Variants in PRTG observed in about 807,000 individuals in gnomAD.
The protein encoded by PRTG is protogenin.
PRTG carries 67 observed loss-of-function variants against 122.5 expected under a neutral mutation model. The ratio of observed to expected loss-of-function variants is 0.55; its 90% CI spans 0.45 to 0.67. PRTG has a LOEUF of 0.67. Ranked by LOEUF, PRTG falls within the 30% of genes least tolerant of loss-of-function variation. The pLI is 0.00. For synonymous variants in PRTG, 554 were observed against 501.1 expected (o/e 1.11, Z -1.41); for missense variants, 1,435 against 1,415.4 (o/e 1.01, Z -0.22).
chr15:55,613,676 A>G lies in PRTG; in HGVS notation c.*6336T>C, dbSNP rs760537162. 4.6e-5 allele frequency: 7 copies of G among 151,688 alleles called. No individual in the cohort carries two copies. The highest frequency in any genetic ancestry group is 1.0e-4 in the Non-Finnish European group (7 of 67,890). The allele number at this position is 151,688 out of a possible 1,614,324, so 9.4% of individuals were successfully genotyped here. On this transcript the variant is annotated 3_prime_UTR_variant, in exon 20 of 20. Transcript: ENST00000389286. ...TCTGTAGAAAGGTTGTTCTGACACAACCTGGCTTTTGTGGATACAAGGAAA... is the reference window on the plus strand; with the variant it reads ...TCTGTAGAAAGGTTGTTCTGACACAGCCTGGCTTTTGTGGATACAAGGAAA...
At chr15:55,643,164 T>G (rs934227733) in intron 11 of PRTG, among the ~76,000 whole-genome samples, 1 of 152,160 alleles carries the variant, frequency 6.6e-6, no homozygotes, top group African/African-American at 2.4e-5. Context: ...TTTTAGAAAC[T>G]GATATTTTCT....
intron 2 of PRTG, among the ~76,000 whole-genome samples, chr15:55,704,084 GA>G (rs34977906): frequency 7.2e-5 from 11 of 151,898 alleles, no homozygotes; most frequent in African/African-American, 1.7e-4. Context: ...ATTCAAGGGG[GA>G]AAAAAAAGTG....
At chr15:55,651,829 T>C (rs771075159) in intron 11 of PRTG, among the ~76,000 whole-genome samples, 25 of 151,966 alleles carry the variant, frequency 1.6e-4, no homozygotes, top group Non-Finnish European at 3.1e-4. Context: ...ATGAGAAAAC[T>C]TTTCCCCCAA....
chr15:55,699,605 C>A (rs1207303181), intron 2 of PRTG, among the ~76,000 whole-genome samples: 13 of 152,148 alleles, frequency 8.5e-5, no homozygotes, highest in Non-Finnish European at 1.6e-4. Flanking sequence ...CATTTCAGTT[C>A]TAGCACATAA....
intron 11 of PRTG, among the ~76,000 whole-genome samples, chr15:55,669,418 ACT>A (rs949836348): frequency 6.6e-6 from 1 of 152,110 alleles, no homozygotes; most frequent in Non-Finnish European, 1.5e-5. Context: ...CAGACACATC[ACT>A]CTCTGTTAAA....
chr15:55,703,615 G>C (rs1359282664), intron 2 of PRTG, among the ~76,000 whole-genome samples: 1 of 152,154 alleles, frequency 6.6e-6, no homozygotes, highest in Non-Finnish European at 1.5e-5. Context: ...GAAAAGTCCA[G>C]GGAAGTAAGT....
chr15:55,738,071 A>ATATATATATATATATATATATAT (rs1555438618), intron 2 of PRTG: 1 of 105,430 alleles, frequency 9.5e-6, no homozygotes, highest in Non-Finnish European at 2.1e-5. Flanking sequence ...TCTTCCTGTA[A>ATATATATATATATATATATATAT]ATATATATAT....
At chr15:55,738,690 A>G (rs1022900133) in intron 2 of PRTG, 6 of 419,260 alleles carry the variant, frequency 1.4e-5, no homozygotes, top group African/African-American at 1.2e-4. Flanking sequence ...TCCATGAAAA[A>G]AATAATTATT....
chr15:55,739,435 T>C (rs2031541955), intron 2 of PRTG, among the ~76,000 whole-genome samples: 1 of 152,262 alleles, frequency 6.6e-6, no homozygotes, highest in South Asian at 2.1e-4. Flanking sequence ...ATCTACCTAT[T>C]GCTCAACTTG....
intron 2 of PRTG, among the ~76,000 whole-genome samples, chr15:55,711,656 A>C (rs1354465799): frequency 6.6e-6 from 1 of 152,168 alleles, no homozygotes; most frequent in East Asian, 1.9e-4. Flanking sequence ...TATGTGACTG[A>C]GATCATCCAG....
At position 55,647,832 on chromosome 15, in the gene PRTG, C is replaced by T. The variant is rs748838823; in HGVS notation, c.2042-6624G>A. Among the ~76,000 whole-genome samples the T allele has an allele frequency of 5.5e-4, 83 of 152,286 alleles. 1 individual carries two copies. Among genetic ancestry groups the T allele is most frequent in the Middle Eastern group, 3.4e-3 (1 of 294 alleles). ...AGAATATCCGCAAATTAGCAATTGG[C>T]AAATACTGAAGCTCAGTTTAACCAC... is the stretch of plus-strand genomic sequence containing the variant. On this transcript the variant is annotated intron_variant, in intron 11 of 19. Coordinates refer to ENST00000389286, the MANE Select transcript of PRTG (RefSeq NM_173814.6).
intron 11 of PRTG, among the ~76,000 whole-genome samples, chr15:55,667,115 T>A: frequency 6.6e-6 from 1 of 151,700 alleles, no homozygotes; most frequent in East Asian, 1.9e-4. Flanking sequence ...TTTTTCCAAA[T>A]GTAAAGAGGA....
In PRTG at chr15:55,612,697, AATATATATATATATATATATATAT is replaced by A. The variant is rs59773365; in HGVS notation, c.*7291_*7314del. The A allele has an allele frequency of 0.022, 2,616 of 120,752 alleles. 145 individuals are homozygous for A. Among genetic ancestry groups the A allele is most frequent in the African/African-American group, 0.087 (1,869 of 21,412 alleles). 7.5% of individuals were successfully genotyped at this position (120,752 alleles called of 1,614,324 possible). On this transcript the variant is annotated 3_prime_UTR_variant, in exon 20 of 20. Coordinates refer to ENST00000389286, the MANE Select transcript of PRTG (RefSeq NM_173814.6). ...TTCTCTCTTTAACTCTTTAAAAGCC[AATATATATATATATATATATATAT>A]ATATATATATATATATATATATATA...
intron 2 of PRTG, among the ~76,000 whole-genome samples, chr15:55,713,859 T>C (rs980979386): frequency 6.6e-6 from 1 of 152,190 alleles, no homozygotes; most frequent in Non-Finnish European, 1.5e-5. Context: ...TGTTGCTACA[T>C]TACTGGTTTA....
At chr15:55,737,892 T>A (rs1472443644) in intron 2 of PRTG, among the ~76,000 whole-genome samples, 1 of 140,738 alleles carries the variant, frequency 7.1e-6, no homozygotes, top group African/African-American at 2.5e-5. Context: ...AACACACTTG[T>A]ACCCTGCTGC....
intron 11 of PRTG, chr15:55,656,457 T>A (rs539206856): frequency 2.5e-6 from 1 of 401,582 alleles, no homozygotes; most frequent in Non-Finnish European, 4.8e-6. Flanking sequence ...ATCTGTTAGG[T>A]TGCTTGTTGA....
chr15:55,671,895 A>G (rs1458989097), intron 11 of PRTG, among the ~76,000 whole-genome samples: 2 of 152,218 alleles, frequency 1.3e-5, no homozygotes, highest in Non-Finnish European at 2.9e-5. Flanking sequence ...CTAGGGAATA[A>G]AACAATGTCT....
At chr15:55,638,468 A>T in intron 14 of PRTG, 81 bp downstream of exon 14, 1 of 1,139,050 alleles carries the variant, frequency 8.8e-7, no homozygotes, top group South Asian at 1.6e-5. Flanking sequence ...GTAGTATCCT[A>T]CACAGAATGA....
chr15:55,719,001 T>C (rs1278992214), intron 2 of PRTG, among the ~76,000 whole-genome samples: 2 of 152,124 alleles, frequency 1.3e-5, no homozygotes, highest in African/African-American at 4.8e-5. Flanking sequence ...CACCTCAGCC[T>C]CCCAAAGTGT....
Sources: allele counts gnomAD v4.1 joint callset (sites outside exome capture counted in the v4.1 genomes callset), GRCh38; gene constraint gnomAD v4.1.1; transcripts MANE v1.5; gene names NCBI Gene and HGNC (gene_info 2026-07-23, HGNC 2026-07-21).